TGFA: variants seen among roughly 807,000 people sequenced by gnomAD.
TGFA encodes protransforming growth factor alpha.
In TGFA, 12 loss-of-function variants were observed where a neutral mutation model predicts 21.7. That is an observed-to-expected ratio of 0.55 (90% CI 0.35 to 0.90). The LOEUF (loss-of-function observed/expected upper bound fraction) is 0.90, where lower values mean the gene tolerates loss of function less well. TGFA is among the 40% of genes least tolerant of loss of function. The pLI is 0.01. For missense variants in TGFA, 178 were observed against 210.8 expected, an observed-to-expected ratio of 0.84 and a Z score of 0.96; for synonymous variants, 79 against 88.1, an observed-to-expected ratio of 0.90 and a Z score of 0.58.
intron 2 of TGFA, among the ~76,000 whole-genome samples, chr2:70,472,086 G>A (rs1300638846): frequency 6.6e-6 from 1 of 151,804 alleles, no homozygotes; most frequent in Non-Finnish European, 1.5e-5. Context: ...AGAAAATAGC[G>A]AGTGAGGGAA....
chr2:70,456,545 C>A, intron 3 of TGFA, 57 bp from the exon 4 acceptor site: 2 of 1,537,342 alleles, frequency 1.3e-6, no homozygotes, highest in South Asian at 2.4e-5. Context: ...GTTACCCTAG[C>A]TCTCCAGGGA....
chr2:70,499,820 G>A (rs1553498866), intron 2 of TGFA, among the ~76,000 whole-genome samples: 1 of 152,184 alleles, frequency 6.6e-6, no homozygotes, highest in African/African-American at 2.4e-5. Flanking sequence ...TGACCCTGGG[G>A]CTGGCGTTTA....
chr2:70,449,041 CT>C lies in TGFA; in HGVS notation c.*1817del, dbSNP rs1669971834. On this transcript the variant is annotated 3_prime_UTR_variant, in exon 6 of 6. Coordinates refer to ENST00000295400, the MANE Select transcript of TGFA (RefSeq NM_003236.4). The stretch of plus-strand genomic sequence containing the variant: ...CTGGCCCAAGGGATGTAAACTTGAA[CT>C]TATTTTAGTAATTTAAAAACCTGGA... 6.6e-6 allele frequency: 1 copy of C among 152,184 alleles called. No homozygotes were observed. The highest frequency in any genetic ancestry group is 1.5e-5 in the Non-Finnish European group (1 of 68,042). The allele number at this position is 152,184 out of a possible 1,614,324, so 9.4% of individuals were successfully genotyped here.
rs1673354280 is a variant in TGFA, at chr2:70,547,740, TTATATATATAGATAGTATACTATATATGC to T, written c.40+5959_40+5987del. Among the ~76,000 whole-genome samples the T allele has an allele frequency of 2.8e-5, 4 of 142,140 alleles. No individual in the cohort carries two copies. The Admixed American group carries it at 2.9e-4, about 10-fold the overall frequency. 93.2% of individuals were successfully genotyped at this position (142,140 alleles called of 152,430 possible). On this transcript the variant is annotated intron_variant, in intron 1 of 5. Transcript: ENST00000295400. Reference sequence around the variant, plus strand: ...TACTATCTATACTTATACTACTATATTATATATATAGATAGTATACTATATATGCTATATATGTAATATAGTATACTATC... The same window carrying T: ...TACTATCTATACTTATACTACTATATTATATATGTAATATAGTATACTATC...
chr2:70,537,475 C>T (rs1224958789), intron 1 of TGFA, among the ~76,000 whole-genome samples: 13 of 152,174 alleles, frequency 8.5e-5, no homozygotes, highest in Admixed American at 3.3e-4. Flanking sequence ...AAACAATTAG[C>T]TAACTTGTGA....
chr2:70,495,394 A>G (rs1166600413), intron 2 of TGFA, among the ~76,000 whole-genome samples: 3 of 152,198 alleles, frequency 2.0e-5, no homozygotes, highest in Admixed American at 6.5e-5. Context: ...CTTGTGCCTT[A>G]AAGGTGAACT....
At chr2:70,514,457 G>A (rs779613274) in intron 2 of TGFA, among the ~76,000 whole-genome samples, 1 of 146,166 alleles carries the variant, frequency 6.8e-6, no homozygotes, top group African/African-American at 2.5e-5. Context: ...GTATTAAAAC[G>A]TAAACCAGAA....
chr2:70,498,546 T>G (rs528923949), intron 2 of TGFA, among the ~76,000 whole-genome samples: 1 of 152,264 alleles, frequency 6.6e-6, no homozygotes, highest in East Asian at 1.9e-4. Context: ...CTTTATCCCC[T>G]TTATCATCAA....
chr2:70,550,853 C>G (rs1553506709), intron 1 of TGFA, among the ~76,000 whole-genome samples: 2 of 152,090 alleles, frequency 1.3e-5, no homozygotes, highest in Admixed American at 6.5e-5. Context: ...CAAAAGAAAA[C>G]AAAACAAAAA....
rs144680956 is a variant in TGFA, at chr2:70,456,449, C to T, written c.255G>A (p.Ala85=). The T allele has an allele frequency of 6.1e-5, 98 of 1,607,806 alleles. No individual in the cohort carries two copies. The highest frequency in any genetic ancestry group is 2.0e-4 in the East Asian group (9 of 44,468). Residue 85 remains alanine (A), a synonymous_variant, in exon 4 of 6, where the codon GCG becomes GCA. Coordinates refer to ENST00000295400, the MANE Select transcript of TGFA (RefSeq NM_003236.4). ...SGYVGARCEH[A]DLLAVVAASQ... ...TGGCAGCCACCACGGCCAGGAGGTCCGCATGCTCACAGCGTGCACCAACGT... is the reference window on the plus strand; with the variant it reads ...TGGCAGCCACCACGGCCAGGAGGTCTGCATGCTCACAGCGTGCACCAACGT...
Position 70,550,882 on chromosome 2 carries a change from G to C in TGFA, c.40+2846C>G, listed in dbSNP as rs79147997. On this transcript the variant is annotated intron_variant, in intron 1 of 5. Transcript: ENST00000295400. ...ACAAAAAAACCCTCCAGATTTGCTT[G>C]AATTTGTCATTGGCCAAATCATATT... 7.5e-3 allele frequency among the ~76,000 whole-genome samples: 1,147 copies of C among 152,316 alleles called. 16 individuals carry two copies. Among genetic ancestry groups the C allele is most frequent in the African/African-American group, 0.026 (1,087 of 41,562 alleles).
chr2:70,490,318 G>T (rs369637584), intron 2 of TGFA, among the ~76,000 whole-genome samples: 2 of 152,296 alleles, frequency 1.3e-5, no homozygotes, highest in East Asian at 3.9e-4. Flanking sequence ...TAAAAGATAA[G>T]ATATTCTCTC....
rs1673589464 is a variant in TGFA, at chr2:70,553,724, G to A, written c.40+4C>T. ...GCAGGGGGCGCCGCAGCCGGCGTAC[G>A]TACCCAGAGCGAACAGGGCGAGCTG... is the stretch of plus-strand genomic sequence containing the variant. On this transcript the variant is annotated splice_donor_region_variant and intron_variant, in intron 1 of 5. Coordinates refer to ENST00000295400, the MANE Select transcript of TGFA (RefSeq NM_003236.4). 1.1e-5 allele frequency: 14 copies of A among 1,332,592 alleles called. No individual in the cohort carries two copies. Among genetic ancestry groups the A allele is most frequent in the Non-Finnish European group, 1.3e-5 (14 of 1,038,100 alleles). The allele number at this position is 1,332,592 out of a possible 1,614,324, so 82.5% of individuals were successfully genotyped here. A position where few individuals can be genotyped will look rare whatever the true frequency, so the allele number is the denominator to read the frequency against.
Position 70,538,385 on chromosome 2 carries a change from G to T in TGFA, c.40+15343C>A, listed in dbSNP as rs1673035986. On this transcript the variant is annotated intron_variant, in intron 1 of 5. Transcript: ENST00000295400. ...ATAATGCTATTGCTGCCACAGATTT[G>T]TGATTCTGCTGATGGGTCTGGGTAA... 2.0e-5 allele frequency among the ~76,000 whole-genome samples: 3 copies of T among 152,182 alleles called. No individual in the cohort carries two copies. The South Asian group carries it at 6.2e-4, about 32-fold the overall frequency.
chr2:70,473,602 A>G (rs1559107649), intron 2 of TGFA, among the ~76,000 whole-genome samples: 1 of 151,986 alleles, frequency 6.6e-6, no homozygotes, highest in Non-Finnish European at 1.5e-5. Flanking sequence ...ACGGAAAGGG[A>G]ATCCCTGTCA....
chr2:70,455,590 GA>G (rs1670204725), intron 4 of TGFA, among the ~76,000 whole-genome samples: 1 of 152,116 alleles, frequency 6.6e-6, no homozygotes, highest in Non-Finnish European at 1.5e-5. Flanking sequence ...AAGTAATGGT[GA>G]AAACTGCAAT....
chr2:70,553,791 C>A lies in TGFA; in HGVS notation c.-24G>T, dbSNP rs1553507239. ...ATTTTACGGGCGGGCGGGCAGCAGG[C>A]TCTCCAGCCTCCTGCCCTACCTGCG... On this transcript the variant is annotated 5_prime_UTR_variant, in exon 1 of 6. Transcript: ENST00000295400. The A allele has an allele frequency of 2.4e-6, 3 of 1,267,360 alleles. No homozygotes were observed. Among genetic ancestry groups the A allele is most frequent in the African/African-American group, 3.1e-5 (2 of 64,830 alleles). The allele number at this position is 1,267,360 out of a possible 1,614,324, so 78.5% of individuals were successfully genotyped here. A position where few individuals can be genotyped will look rare whatever the true frequency, so the allele number is the denominator to read the frequency against.
chr2:70,468,468 G>A (rs1197039333), intron 2 of TGFA: 2 of 152,408 alleles, frequency 1.3e-5, no homozygotes, highest in Non-Finnish European at 2.9e-5. Flanking sequence ...GTCTGCTGTA[G>A]TTTGCATAAC....
chr2:70,533,789 A>T (rs1289632029), intron 1 of TGFA, among the ~76,000 whole-genome samples: 1 of 152,218 alleles, frequency 6.6e-6, no homozygotes, highest in Non-Finnish European at 1.5e-5. Flanking sequence ...ATGATTTGGA[A>T]TTACAAGCAA....
Sources: allele counts gnomAD v4.1 joint callset (sites outside exome capture counted in the v4.1 genomes callset), GRCh38; gene constraint gnomAD v4.1.1; transcripts MANE v1.5; gene names NCBI Gene and HGNC (gene_info 2026-07-23, HGNC 2026-07-21).